Variants in CDYL observed in about 807,000 individuals in gnomAD.
CDYL encodes chromodomain Y-like protein.
Under a neutral mutation model 47.3 loss-of-function variants are expected in CDYL, and 8 were observed. The ratio of observed to expected loss-of-function variants is 0.17; its 90% CI spans 0.10 to 0.31. The LOEUF is 0.31. Ranked by LOEUF, CDYL falls within the 10% of genes least tolerant of loss-of-function variation. The pLI, the probability that CDYL is intolerant of heterozygous loss-of-function variation, is 1.00. For synonymous variants in CDYL, 266 were observed against 265.0 expected (o/e 1.00, Z -0.04); for missense variants, 471 against 701.4 (o/e 0.67, Z 3.71).
At chr6:4,747,960 A>G (rs1485143481) in intron 3 of CDYL, among the ~76,000 whole-genome samples, 2 of 152,168 alleles carry the variant, frequency 1.3e-5, no homozygotes, top group Admixed American at 1.3e-4. Context: ...CCATCTTTGT[A>G]CTGCCTGTCC....
At chr6:4,853,495 C>T (rs1336622283) in intron 1 of CDYL, among the ~76,000 whole-genome samples, 2 of 152,122 alleles carry the variant, frequency 1.3e-5, no homozygotes, top group African/African-American at 4.8e-5. Context: ...TCCTCCTTCT[C>T]CTTCTCATTC....
intron 2 of CDYL, among the ~76,000 whole-genome samples, chr6:4,907,265 T>C (rs1757267435): frequency 6.6e-6 from 1 of 152,236 alleles, no homozygotes; most frequent in Admixed American, 6.5e-5. Context: ...TGCTGCAGTT[T>C]TAGCCTGCAT....
At chr6:4,895,794 C>G (rs116223632) in intron 2 of CDYL, among the ~76,000 whole-genome samples, 1 of 152,134 alleles carries the variant, frequency 6.6e-6, no homozygotes, top group African/African-American at 2.4e-5. Context: ...ACCTTCATTC[C>G]TTTATATTTC....
intron 2 of CDYL, among the ~76,000 whole-genome samples, chr6:4,908,987 T>G (rs1279947867): frequency 6.6e-6 from 1 of 152,250 alleles, no homozygotes; most frequent in Non-Finnish European, 1.5e-5. Context: ...TTTAAAAGTT[T>G]CCATGTTCGT....
intron 3 of CDYL, among the ~76,000 whole-genome samples, chr6:4,765,428 TATAAC>T (rs1319109064): frequency 3.3e-5 from 5 of 152,182 alleles, no homozygotes; most frequent in African/African-American, 1.2e-4. Context: ...CAATGGAAAT[TATAAC>T]ATATTTTCAA....
chr6:4,726,305 G>A (rs113805883), intron 2 of CDYL, among the ~76,000 whole-genome samples: 1 of 152,068 alleles, frequency 6.6e-6, no homozygotes, highest in South Asian at 2.1e-4. Flanking sequence ...GGGAGGCCGA[G>A]GTGGGCGGAT....
At chr6:4,864,242 A>G (rs1761256667) in intron 1 of CDYL, among the ~76,000 whole-genome samples, 1 of 152,266 alleles carries the variant, frequency 6.6e-6, no homozygotes, top group South Asian at 2.1e-4. Flanking sequence ...AAGATCATGA[A>G]AAGATATTCT....
chr6:4,708,595 G>A (rs559058161), intron 1 of CDYL, among the ~76,000 whole-genome samples: 1 of 152,144 alleles, frequency 6.6e-6, no homozygotes, highest in African/African-American at 2.4e-5. Flanking sequence ...TGTTTATGAT[G>A]ATTATTTTGA....
At chr6:4,842,112 TTA>T (rs1413466429) in intron 1 of CDYL, among the ~76,000 whole-genome samples, 2 of 143,858 alleles carry the variant, frequency 1.4e-5, no homozygotes, top group Non-Finnish European at 3.0e-5. Flanking sequence ...TTTATATTAT[TTA>T]TATATAAACT....
intron 2 of CDYL, among the ~76,000 whole-genome samples, chr6:4,895,610 G>A (rs911163528): frequency 3.3e-5 from 5 of 151,570 alleles, no homozygotes; most frequent in African/African-American, 7.3e-5. Context: ...AAAACTTCGA[G>A]CCAACAAGGT....
At chr6:4,794,516 C>T (rs577482874) in intron 1 of CDYL, among the ~76,000 whole-genome samples, 1 of 152,046 alleles carries the variant, frequency 6.6e-6, no homozygotes, top group African/African-American at 2.4e-5. Flanking sequence ...GGGCAGGCTC[C>T]GGGGTTTGTT....
rs953481523 is a variant in CDYL at position 4,931,982 on chromosome 6, C to T, written c.692-3533C>T. ...TATAAAGGCTGCATGGGCTCCATGG[C>T]CTAGAAATGTTGCTTCGGTGGAAGG... On this transcript the variant is annotated intron_variant, in intron 2 of 6. Coordinates refer to ENST00000397588, the MANE Select transcript of CDYL (RefSeq NM_004824.4). Among the ~76,000 whole-genome samples, 3 of 152,150 alleles carry T rather than the reference C, an allele frequency of 2.0e-5. 1 individual carries two copies. Among genetic ancestry groups the T allele is most frequent in the South Asian group, 4.1e-4 (2 of 4,826 alleles).
chr6:4,836,891 A>G (rs574834024), intron 1 of CDYL, among the ~76,000 whole-genome samples: 128 of 152,158 alleles, frequency 8.4e-4, no homozygotes, highest in Non-Finnish European at 1.5e-3. Context: ...CAGAAGTTTG[A>G]TGGAACAAAA....
rs1308409659 is a variant in CDYL at position 4,733,671 on chromosome 6, AAAAT to A, written c.104-1090_104-1087del. On this transcript the variant is annotated intron_variant, in intron 2 of 8. Transcript: ENST00000328908. ...TCATTAAGACTCCATCTCAGGTATG[AAAAT>A]TTCAGTAAGTGAAGGCAAAGATTAA... 4.6e-5 allele frequency among the ~76,000 whole-genome samples: 7 copies of A among 152,258 alleles called. No homozygotes were observed. In the East Asian group the frequency reaches 1.2e-3, roughly 25 times the overall value.
At chr6:4,907,140 A>G (rs1314502452) in intron 2 of CDYL, among the ~76,000 whole-genome samples, 1 of 152,068 alleles carries the variant, frequency 6.6e-6, no homozygotes. Flanking sequence ...AACTGCTGCT[A>G]CTCTGAGCTC....
At chr6:4,860,869 A>G (rs1761150013) in intron 1 of CDYL, among the ~76,000 whole-genome samples, 1 of 152,000 alleles carries the variant, frequency 6.6e-6, no homozygotes, top group South Asian at 2.1e-4. Flanking sequence ...GCCACTTTAT[A>G]TTCACTGGCA....
intron 3 of CDYL, among the ~76,000 whole-genome samples, chr6:4,759,360 C>T (rs1205405537): frequency 6.6e-6 from 1 of 152,120 alleles, no homozygotes; most frequent in Non-Finnish European, 1.5e-5. Context: ...GCATTTTATT[C>T]AGATTCTTTA....
At chr6:4,776,929 G>T (rs1184792316) in intron 1 of CDYL, 122 bp downstream of exon 1, 2 of 280,284 alleles carry the variant, frequency 7.1e-6, no homozygotes, top group East Asian at 1.8e-4. Flanking sequence ...CGCCGCGGCC[G>T]CAGTTTGCTG....
chr6:4,879,465 C>T (rs779104016), intron 1 of CDYL, among the ~76,000 whole-genome samples: 64 of 151,392 alleles, frequency 4.2e-4, no homozygotes, highest in Non-Finnish European at 7.7e-4. Flanking sequence ...TCGGTAAACA[C>T]CAGCATTAAG....
Sources: gnomAD v4.1 joint callset for allele counts (sites outside exome capture counted in the v4.1 genomes callset) on GRCh38, gnomAD v4.1.1 for gene constraint, MANE v1.5 for transcripts, NCBI Gene and HGNC (gene_info 2026-07-23, HGNC 2026-07-21) for gene names.